The following XXYLT1 variants were observed in gnomAD, a reference collection of about 807,000 sequenced individuals.
The protein encoded by XXYLT1 is UDP-xylose:alpha-xyloside alpha-1,3-xylosyltransferase.
XXYLT1 carries 20 observed loss-of-function variants against 28.9 expected under a neutral mutation model. The ratio of observed to expected loss-of-function variants is 0.69; its 90% CI spans 0.49 to 1.00. The LOEUF is 1.00. XXYLT1 is among the 50% of genes least tolerant of loss of function. XXYLT1 has a pLI of 0.00. For synonymous variants in XXYLT1, 257 were observed against 253.8 expected, an observed-to-expected ratio of 1.01 and a Z score of -0.12; for missense variants, 542 against 560.1, an observed-to-expected ratio of 0.97 and a Z score of 0.33.
At chr3:195,085,456 CCCCA>C (rs1228154653) in intron 3 of XXYLT1, among the ~76,000 whole-genome samples, 25 of 152,226 alleles carry the variant, frequency 1.6e-4, no homozygotes, top group Non-Finnish European at 2.9e-4. Context: ...GAGCCTCCAT[CCCCA>C]TGTCTAAGCA....
At chr3:195,123,609 T>C (rs1191986926) in intron 3 of XXYLT1, among the ~76,000 whole-genome samples, 5 of 151,832 alleles carry the variant, frequency 3.3e-5, no homozygotes, top group African/African-American at 1.2e-4. Flanking sequence ...GCTGCTCAAG[T>C]TTCCCCTGAC....
chr3:195,083,847 A>C (rs1055594035), intron 3 of XXYLT1, among the ~76,000 whole-genome samples: 1 of 152,090 alleles, frequency 6.6e-6, no homozygotes, highest in Non-Finnish European at 1.5e-5. Context: ...CCAACACAGC[A>C]AAACTCCATC....
At chr3:195,123,285 C>G (rs1718456987) in intron 3 of XXYLT1, among the ~76,000 whole-genome samples, 1 of 152,086 alleles carries the variant, frequency 6.6e-6, no homozygotes, top group African/African-American at 2.4e-5. Context: ...CCCAGCACAG[C>G]ATAAGGGGCT....
chr3:195,095,514 C>T, intron 3 of XXYLT1: 1 of 154,098 alleles, frequency 6.5e-6, no homozygotes. Flanking sequence ...ACTCTTACAG[C>T]CGGGCCTCCA....
chr3:195,241,094 C>A (rs1471423164), intron 1 of XXYLT1, among the ~76,000 whole-genome samples: 1 of 152,222 alleles, frequency 6.6e-6, no homozygotes, highest in Non-Finnish European at 1.5e-5. Context: ...TCAAGCCTGG[C>A]AGAACACCAA....
chr3:195,175,947 T>C lies in XXYLT1; in HGVS notation c.653-19366A>G, dbSNP rs1440546380. On this transcript the variant is annotated intron_variant, in intron 2 of 3. Transcript: ENST00000310380. ...CAGAAATTTCAGTCATGTTTGTTATTACAGCCCAGCTTAGTCTAGCCTTAC... is the reference window on the plus strand; with the variant it reads ...CAGAAATTTCAGTCATGTTTGTTATCACAGCCCAGCTTAGTCTAGCCTTAC... 2.5e-5 allele frequency: 34 copies of C among 1,366,670 alleles called. No homozygotes were observed. In the East Asian group the frequency reaches 9.2e-4, roughly 37 times the overall value. The allele number at this position is 1,366,670 out of a possible 1,614,324, so 84.7% of individuals were successfully genotyped here. A position where few individuals can be genotyped will look rare whatever the true frequency, so the allele number is the denominator to read the frequency against.
Position 195,069,521 on chromosome 3 carries a change from C to G in XXYLT1, c.*194G>C, listed in dbSNP as rs1714671890. On this transcript the variant is annotated 3_prime_UTR_variant, in exon 4 of 4. Transcript: ENST00000310380. ...CCTGGAGGAATAAGGTCCCAAGCACCAGCAGTGCACAGGCCAGTCCTTGGC... is the reference window on the plus strand; with the variant it reads ...CCTGGAGGAATAAGGTCCCAAGCACGAGCAGTGCACAGGCCAGTCCTTGGC... 1.4e-6 allele frequency: 1 copy of G among 710,142 alleles called. No individual in the cohort carries two copies. Among genetic ancestry groups the G allele is most frequent in the Non-Finnish European group, 2.3e-6 (1 of 441,530 alleles). The allele number at this position is 710,142 out of a possible 1,614,324, so 44.0% of individuals were successfully genotyped here.
chr3:195,204,452 G>GCA (rs936679348), intron 2 of XXYLT1, among the ~76,000 whole-genome samples: 11 of 147,558 alleles, frequency 7.5e-5, no homozygotes, highest in Admixed American at 4.0e-4. Flanking sequence ...ACACACACAC[G>GCA]CACACACACA....
rs1252667814 is a variant in XXYLT1, at chr3:195,257,965, T to A, written c.504+12590A>T. On this transcript the variant is annotated intron_variant, in intron 1 of 3. Transcript: ENST00000310380. This position sits in a 1 kb window ranked among gnomAD's most constrained non-coding sequence, Gnocchi z 4.3. ...ACCCACAATCCTCGACCCTGTGTCT[T>A]CCTACCCCCTAGACAGCAGGTGGCC... 6.6e-6 allele frequency among the ~76,000 whole-genome samples: 1 copy of A among 152,116 alleles called. No individual in the cohort carries two copies. Among genetic ancestry groups the A allele is most frequent in the African/African-American group, 2.4e-5 (1 of 41,430 alleles).
At chr3:195,136,165 C>A (rs1261686569) in intron 3 of XXYLT1, among the ~76,000 whole-genome samples, 1 of 152,190 alleles carries the variant, frequency 6.6e-6, no homozygotes, top group South Asian at 2.1e-4. Flanking sequence ...GAGAGCCCCA[C>A]ACGTCAGAGC....
chr3:195,270,307 TG>T, intron 1 of XXYLT1: 2 of 905,148 alleles, frequency 2.2e-6, no homozygotes, highest in East Asian at 3.1e-5. Context: ...TGCGCTTAAC[TG>T]GGGGAGAGGA....
rs1353839322 is a variant in XXYLT1, at chr3:195,174,785, C to T, written c.653-18204G>A. 3.3e-5 allele frequency among the ~76,000 whole-genome samples: 5 copies of T among 150,520 alleles called. No individual in the cohort carries two copies. The East Asian group carries it at 9.9e-4, about 30-fold the overall frequency. ...CCCTTTCCCTTCCTCTTCTCCTTCT[C>T]CTTCTTCTTTTCATAGAGATTGGGT... On this transcript the variant is annotated intron_variant, in intron 2 of 3. Transcript: ENST00000310380.
At chr3:195,164,200 G>A (rs1490301410) in intron 2 of XXYLT1, among the ~76,000 whole-genome samples, 1 of 152,240 alleles carries the variant, frequency 6.6e-6, no homozygotes, top group Admixed American at 6.5e-5. Flanking sequence ...GAGGCCCAAA[G>A]AGATTAGGTG....
chr3:195,100,649 G>A (rs899580157), intron 3 of XXYLT1, among the ~76,000 whole-genome samples: 3 of 151,996 alleles, frequency 2.0e-5, no homozygotes, highest in Admixed American at 6.6e-5. Flanking sequence ...GCCTACACAC[G>A]CTACCCTCAC....
At chr3:195,110,332 T>TGTGTG (rs1560100834) in intron 3 of XXYLT1, among the ~76,000 whole-genome samples, 2 of 8,302 alleles carry the variant, frequency 2.4e-4, no homozygotes, top group African/African-American at 6.3e-4. Flanking sequence ...GGGTGAGGTG[T>TGTGTG]GTGTATGTGT....
intron 3 of XXYLT1, among the ~76,000 whole-genome samples, chr3:195,135,611 G>A (rs759271505): frequency 2.0e-4 from 31 of 152,196 alleles, no homozygotes; most frequent in Non-Finnish European, 4.0e-4. Context: ...TGAGACCCAC[G>A]GGAATGACAC....
At chr3:195,220,570 A>G (rs532825135) in intron 2 of XXYLT1, among the ~76,000 whole-genome samples, 1 of 151,964 alleles carries the variant, frequency 6.6e-6, no homozygotes, top group South Asian at 2.1e-4. Flanking sequence ...CTGAGCCTGG[A>G]CTCCTACTCT....
chr3:195,110,528 T>TGTGGGTG (rs1717581955), intron 3 of XXYLT1, among the ~76,000 whole-genome samples: 1 of 104,542 alleles, frequency 9.6e-6, no homozygotes, highest in Non-Finnish European at 1.9e-5. Context: ...GTGCGTGGTG[T>TGTGGGTG]ACGTGTGCGT....
At chr3:195,080,623 C>T (rs1715380568) in intron 3 of XXYLT1, among the ~76,000 whole-genome samples, 1 of 152,192 alleles carries the variant, frequency 6.6e-6, no homozygotes, top group Non-Finnish European at 1.5e-5. Flanking sequence ...GCTCACTGTC[C>T]CCGACAGCCT....
Sources: gnomAD v4.1 joint callset for allele counts (sites outside exome capture counted in the v4.1 genomes callset) on GRCh38, gnomAD v4.1.1 for gene constraint, Gnocchi (gnomAD v3.1) non-coding constraint, MANE v1.5 for transcripts, NCBI Gene and HGNC (gene_info 2026-07-23, HGNC 2026-07-21) for gene names.